The following MYH7B variants were observed in gnomAD, a reference collection of about 807,000 sequenced individuals.
MYH7B encodes myosin heavy chain 7B, also known as myosin-7B.
Under a neutral mutation model 234.5 loss-of-function variants are expected in MYH7B, and 205 were observed. That is an observed-to-expected ratio of 0.87 (90% CI 0.78 to 0.98). MYH7B has a LOEUF of 0.98. MYH7B is among the 50% of genes least tolerant of loss of function. The pLI, the probability that MYH7B is intolerant of heterozygous loss-of-function variation, is 0.00. For synonymous variants in MYH7B, 1,193 were observed against 1,105.0 expected (o/e 1.08, Z -1.58); for missense variants, 2,652 against 2,633.4 (o/e 1.01, Z -0.15).
exon 30 of MYH7B, chr20:34,996,722 C>G: frequency 6.2e-7 from 1 of 1,613,384 alleles, no homozygotes; most frequent in Non-Finnish European, 8.5e-7. Flanking sequence ...GCTGATGCTG[C>G]TCAAGACAAG....
intron 26 of MYH7B, 24 bp downstream of exon 26, chr20:34,993,494 G>A (rs1312002655): frequency 1.3e-6 from 2 of 1,555,746 alleles, no homozygotes; most frequent in Non-Finnish European, 1.7e-6. Context: ...GGAGGCTGGG[G>A]ACAGGGTGTG....
chr20:34,979,313 C>A, intron 5 of MYH7B, 77 bp from the exon 6 acceptor site: 2 of 1,164,056 alleles, frequency 1.7e-6, no homozygotes, highest in South Asian at 1.5e-5. Flanking sequence ...GTATGGATAC[C>A]ATGGCTTGGG....
chr20:35,000,738 G>C (rs747879074), intron 39 of MYH7B, 30 bp from the exon 40 acceptor site: 3 of 1,607,386 alleles, frequency 1.9e-6, no homozygotes, highest in African/African-American at 1.3e-5. Flanking sequence ...CCTGCTGGCT[G>C]GCTGGCTCTG....
Position 34,997,491 on chromosome 20 carries a change from C to T in MYH7B, c.3598C>T (p.Arg1200Trp), listed in dbSNP as rs753481344. 41 of 1,557,914 alleles carry T rather than the reference C, an allele frequency of 2.6e-5. No homozygotes were observed. The highest frequency in any genetic ancestry group is 2.9e-5 in the Non-Finnish European group (34 of 1,153,786). The change falls in exon 32 of 45, where the codon CGG (arginine) becomes TGG (tryptophan). Residue 1200 changes from arginine to tryptophan, a missense_variant. Arg to Trp is a moderately radical substitution (Grantham distance 101). Coordinates refer to ENST00000262873, the Ensembl canonical transcript of MYH7B. ...GCACGAGGCCACAGTGGCGGCACTG[C>T]GGCGCAAGCAGGCGGAGGGCGCGGC... is the stretch of plus-strand genomic sequence containing the variant.
At chr20:34,958,451 A>G (rs759668905) in intron 2 of MYH7B, among the ~76,000 whole-genome samples, 4 of 152,072 alleles carry the variant, frequency 2.6e-5, no homozygotes, top group Admixed American at 1.3e-4. Context: ...GCCCCACCCT[A>G]TAAGTCTATC....
intron 28 of MYH7B, among the ~76,000 whole-genome samples, chr20:34,995,827 G>A (rs879792864): frequency 1.3e-5 from 2 of 152,264 alleles, no homozygotes; most frequent in Non-Finnish European, 2.9e-5. Flanking sequence ...CACACGGTAG[G>A]TGTTTAGCAC....
rs368513620 is a variant in MYH7B at position 35,001,059 on chromosome 20, G to C, written c.5376G>C (p.Thr1792=). The C allele has an allele frequency of 6.2e-7, 1 of 1,613,728 alleles. No homozygotes were observed. The highest frequency in any genetic ancestry group is 1.3e-5 in the African/African-American group (1 of 74,922). Residue 1792 remains threonine, a synonymous_variant, in exon 41 of 45, where the codon ACG becomes ACC. Coordinates refer to ENST00000262873, the Ensembl canonical transcript of MYH7B. Reference sequence around the variant, plus strand: ...CACACCTGGAACGGATGAAGAAGACGCTGGAGCAGACGGTGCGCGAGCTCC... The same window carrying C: ...CACACCTGGAACGGATGAAGAAGACCCTGGAGCAGACGGTGCGCGAGCTCC...
At chr20:35,002,326 C>A in exon 45 of MYH7B, 3 of 929,870 alleles carry the variant, frequency 3.2e-6, no homozygotes, top group South Asian at 2.3e-5. Context: ...ACACCACAGC[C>A]AGTTTCCTTC....
At position 34,996,477 on chromosome 20, in the gene MYH7B, CGCGCTGA is replaced by C; in HGVS notation, c.3076_3082del (p.Ala1026ProfsTer39). 6.2e-7 allele frequency: 1 copy of C among 1,612,758 alleles called. No homozygotes were observed. The highest frequency in any genetic ancestry group is 8.5e-7 in the Non-Finnish European group (1 of 1,179,512). On this transcript the variant is annotated frameshift_variant, in exon 29 of 45. Transcript: ENST00000262873. LOFTEE classifies it high-confidence loss of function. ...TGCAGGCCGAGGAGGACCGTGTGAG[CGCGCTGA>C]CCAAGGCCAAGCTCCGGCTGGAGCA...
At chr20:34,975,935 C>T (rs963691832) in intron 3 of MYH7B, among the ~76,000 whole-genome samples, 3 of 151,950 alleles carry the variant, frequency 2.0e-5, no homozygotes, top group African/African-American at 7.2e-5. Flanking sequence ...CCAGGATGGT[C>T]TCGATCTCCT....
exon 29 of MYH7B, chr20:34,996,494 A>G: frequency 6.2e-7 from 1 of 1,611,506 alleles, no homozygotes; most frequent in South Asian, 1.1e-5. Flanking sequence ...ACCAAGGCCA[A>G]GCTCCGGCTG....
At chr20:34,963,179 G>T (rs758512648) in intron 2 of MYH7B, among the ~76,000 whole-genome samples, 4 of 152,246 alleles carry the variant, frequency 2.6e-5, no homozygotes, top group Non-Finnish European at 4.4e-5. Context: ...GTCTGTACAT[G>T]CTCAGTACAG....
exon 39 of MYH7B, chr20:35,000,357 A>G (rs992042537): frequency 6.3e-7 from 1 of 1,598,698 alleles, no homozygotes; most frequent in Non-Finnish European, 8.5e-7. Flanking sequence ...ACGGGCCCGC[A>G]ATGAGGCGCT....
exon 36 of MYH7B, chr20:34,999,313 G>A: frequency 6.3e-7 from 1 of 1,579,454 alleles, no homozygotes; most frequent in Non-Finnish European, 8.6e-7. Context: ...GAGTCCCGTG[G>A]CCTGGGCACC....
intron 24 of MYH7B, 117 bp from the exon 25 acceptor site, chr20:34,992,985 C>A: frequency 7.5e-7 from 1 of 1,330,046 alleles, no homozygotes; most frequent in African/African-American, 1.5e-5. Context: ...TCGGAGAGGC[C>A]CAGGAACGAG....
At chr20:34,978,190 G>GA in intron 5 of MYH7B, 94 bp downstream of exon 5, 1 of 1,473,284 alleles carries the variant, frequency 6.8e-7, no homozygotes, top group Non-Finnish European at 9.3e-7. Flanking sequence ...GCTCAGGGCT[G>GA]AAGGGGCATT....
In MYH7B at chr20:34,984,561, G is replaced by A. The variant is rs2081986114; in HGVS notation, c.625-131G>A. 5.2e-6 allele frequency: 4 copies of A among 771,102 alleles called. No individual in the cohort carries two copies. The Admixed American group carries it at 1.1e-4, about 21-fold the overall frequency. 47.8% of individuals were successfully genotyped at this position (771,102 alleles called of 1,614,324 possible). A position where few individuals can be genotyped will look rare whatever the true frequency, so the allele number is the denominator to read the frequency against. On this transcript the variant is annotated intron_variant, in intron 10 of 44. Transcript: ENST00000262873. The stretch of plus-strand genomic sequence containing the variant: ...GTCAGGCCGAGGGGCTGAGGGTGGG[G>A]GCCATGCATTCCGGTGACTAACTCC...
chr20:34,996,523 G>A lies in MYH7B; in HGVS notation c.3120+1G>A. ...CCGGCTGGAGCAACAGGTGGAGGAC[G>A]TGAGTCAGGGCCACCCCGAGACTGG... is the stretch of plus-strand genomic sequence containing the variant. On this transcript the variant is annotated splice_donor_variant, in intron 29 of 44. Coordinates refer to ENST00000262873, the Ensembl canonical transcript of MYH7B. LOFTEE classifies it high-confidence loss of function. The A allele has an allele frequency of 1.2e-6, 2 of 1,609,858 alleles. No individual in the cohort carries two copies. The highest frequency in any genetic ancestry group is 1.7e-6 in the Non-Finnish European group (2 of 1,178,096).
chr20:34,990,930 C>A, intron 23 of MYH7B, 74 bp from the exon 24 acceptor site: 1 of 1,556,060 alleles, frequency 6.4e-7, no homozygotes, highest in Non-Finnish European at 8.8e-7. Context: ...CTCGCAGGGT[C>A]TCCACTGCTG....
Sources: allele counts gnomAD v4.1 joint callset (sites outside exome capture counted in the v4.1 genomes callset), GRCh38; gene constraint gnomAD v4.1.1; transcripts MANE v1.5; gene names NCBI Gene and HGNC (gene_info 2026-07-23, HGNC 2026-07-21).